PIGL: variants seen among roughly 807,000 people sequenced by gnomAD.
The protein encoded by PIGL is phosphatidylinositol glycan anchor biosynthesis class L, also known as N-acetylglucosaminyl-phosphatidylinositol de-N-acetylase.
Under a neutral mutation model 31.1 loss-of-function variants are expected in PIGL, and 22 were observed. The observed-to-expected ratio is 0.71, with a 90% confidence interval of 0.51 to 1.01. PIGL has a LOEUF of 1.01. Ranked by LOEUF, PIGL falls within the 50% of genes least tolerant of loss-of-function variation. The probability of loss-of-function intolerance (pLI) is 0.00; values close to 1 mark genes in which losing one functional copy is unlikely to be tolerated. For missense variants in PIGL, 302 were observed against 315.9 expected (o/e 0.96, Z 0.33); for synonymous variants, 131 against 117.4 (o/e 1.12, Z -0.75).
intron 2 of PIGL, among the ~76,000 whole-genome samples, chr17:16,244,314 A>G (rs943576997): frequency 5.3e-5 from 8 of 152,214 alleles, no homozygotes; most frequent in Admixed American, 4.6e-4. Flanking sequence ...GTTTCTCCCA[A>G]AGTTAGTTCA....
rs374160663 is a variant in PIGL, at chr17:16,232,210, G to A, written c.236-1761G>A. Among the ~76,000 whole-genome samples the A allele has an allele frequency of 9.2e-5, 14 of 151,994 alleles. No individual in the cohort carries two copies. The East Asian group carries it at 1.2e-3, about 13-fold the overall frequency. ...AGAGAATCGCTTGCACCTGAGAGGC[G>A]GAGGTTGCAGTGAACTGAGATCACA... On this transcript the variant is annotated intron_variant, in intron 1 of 6. Transcript: ENST00000225609.
At chr17:16,271,597 T>C (rs2092872880) in intron 2 of PIGL, among the ~76,000 whole-genome samples, 1 of 151,914 alleles carries the variant, frequency 6.6e-6, no homozygotes, top group African/African-American at 2.4e-5. Context: ...AGTGGTGCAA[T>C]CTTGGCTTAC....
intron 2 of PIGL, among the ~76,000 whole-genome samples, chr17:16,266,114 A>T (rs909341084): frequency 6.6e-6 from 1 of 151,988 alleles, no homozygotes; most frequent in African/African-American, 2.4e-5. Context: ...CATCTCCAGA[A>T]TTAGAATGAG....
In PIGL at chr17:16,234,080, C is replaced by T. The variant is rs1245764200; in HGVS notation, c.335+10C>T. 13 of 1,425,560 alleles carry T rather than the reference C, an allele frequency of 9.1e-6. No homozygotes were observed. The Admixed American group carries it at 2.2e-4, about 24-fold the overall frequency. 88.3% of individuals were successfully genotyped at this position (1,425,560 alleles called of 1,614,324 possible). On this transcript the variant is annotated intron_variant, in intron 2 of 6. Coordinates refer to ENST00000225609, the MANE Select transcript of PIGL (RefSeq NM_004278.4). ...TGATTATTGACAACAGGTAATATAT[C>T]TTTTAACAATGTAGAAATTTATTGG...
rs1367677820 is a variant in PIGL, at chr17:16,321,230, G to A, written c.660+3322G>A. 2.8e-5 allele frequency among the ~76,000 whole-genome samples: 4 copies of A among 144,926 alleles called. No individual in the cohort carries two copies. In the South Asian group the frequency reaches 6.5e-4, roughly 24 times the overall value. ...TGGGATTACAGGCATGAACCACTGC[G>A]CCGGGCCTTTTTTTTTTTTTTTTTT... On this transcript the variant is annotated intron_variant, in intron 6 of 6. Coordinates refer to ENST00000225609, the MANE Select transcript of PIGL (RefSeq NM_004278.4).
chr17:16,313,731 G>A, intron 4 of PIGL, 117 bp downstream of exon 4: 1 of 827,670 alleles, frequency 1.2e-6, no homozygotes, highest in Non-Finnish European at 2.1e-6. Flanking sequence ...CTCACTGCTG[G>A]CTTATCTTCT....
chr17:16,300,014 TC>T, intron 3 of PIGL, 36 bp downstream of exon 3: 5 of 1,518,988 alleles, frequency 3.3e-6, no homozygotes, highest in Non-Finnish European at 4.6e-6. Flanking sequence ...AAACCTGAGG[TC>T]TTGGTCCCAT....
chr17:16,270,567 TACCA>T (rs1304466647), intron 2 of PIGL, among the ~76,000 whole-genome samples: 1 of 152,056 alleles, frequency 6.6e-6, no homozygotes, highest in Non-Finnish European at 1.5e-5. Context: ...GTCAGCCTCC[TACCA>T]ACAAGCATAT....
chr17:16,237,407 C>T (rs2092703825), intron 2 of PIGL, among the ~76,000 whole-genome samples: 1 of 151,398 alleles, frequency 6.6e-6, no homozygotes, highest in African/African-American at 2.4e-5. Context: ...TGCGCCTGGC[C>T]TATTTTTTTT....
At chr17:16,240,877 G>T (rs2142701160) in intron 2 of PIGL, among the ~76,000 whole-genome samples, 1 of 99,518 alleles carries the variant, frequency 1.0e-5, no homozygotes. Context: ...GGGAGGCCGA[G>T]GGGGTGGGGG....
intron 2 of PIGL, among the ~76,000 whole-genome samples, chr17:16,266,164 C>T (rs535130224): frequency 8.6e-5 from 13 of 152,016 alleles, no homozygotes; most frequent in South Asian, 2.1e-4. Context: ...CCTGTAATCC[C>T]GGCACTTTGG....
intron 2 of PIGL, among the ~76,000 whole-genome samples, chr17:16,289,349 C>T (rs1048093093): frequency 2.6e-5 from 4 of 152,216 alleles, no homozygotes; most frequent in South Asian, 2.1e-4. Context: ...TAGTTATCTT[C>T]GTCCTGCACC....
intron 3 of PIGL, among the ~76,000 whole-genome samples, chr17:16,307,469 A>C (rs2093030786): frequency 6.6e-6 from 1 of 152,204 alleles, no homozygotes; most frequent in Non-Finnish European, 1.5e-5. Flanking sequence ...GAATGCAATA[A>C]CTACACCTAG....
chr17:16,291,224 G>A (rs1217168965), intron 2 of PIGL, among the ~76,000 whole-genome samples: 3 of 152,178 alleles, frequency 2.0e-5, no homozygotes, highest in African/African-American at 7.2e-5. Flanking sequence ...TAAATTATAT[G>A]GGGCTGGGCG....
chr17:16,302,426 G>A (rs1274554434), intron 3 of PIGL, among the ~76,000 whole-genome samples: 1 of 152,024 alleles, frequency 6.6e-6, no homozygotes, highest in Non-Finnish European at 1.5e-5. Context: ...TCGATATGTA[G>A]ACAGAGCTGA....
chr17:16,291,622 T>C (rs2092961028), intron 2 of PIGL, among the ~76,000 whole-genome samples: 1 of 151,262 alleles, frequency 6.6e-6, no homozygotes, highest in Non-Finnish European at 1.5e-5. Flanking sequence ...TCCCAGCACT[T>C]TGGGAGGCAG....
intron 1 of PIGL, among the ~76,000 whole-genome samples, chr17:16,220,061 A>T (rs2092619237): frequency 6.6e-6 from 1 of 152,016 alleles, no homozygotes; most frequent in Non-Finnish European, 1.5e-5. Context: ...TTCAAATAAA[A>T]AATATAGGCC....
intron 2 of PIGL, among the ~76,000 whole-genome samples, chr17:16,242,538 C>T (rs1349642152): frequency 6.6e-6 from 1 of 151,720 alleles, no homozygotes; most frequent in Non-Finnish European, 1.5e-5. Context: ...CTGTAAAAAG[C>T]CTACCAGTTT....
intron 2 of PIGL, among the ~76,000 whole-genome samples, chr17:16,252,072 T>G (rs1056115427): frequency 6.7e-6 from 1 of 150,240 alleles, no homozygotes; most frequent in African/African-American, 2.5e-5. Flanking sequence ...TTTCCTTTTT[T>G]TTTTTTTCTT....
Sources: allele counts gnomAD v4.1 joint callset (sites outside exome capture counted in the v4.1 genomes callset), GRCh38; gene constraint gnomAD v4.1.1; transcripts MANE v1.5; gene names NCBI Gene and HGNC (gene_info 2026-07-23, HGNC 2026-07-21).